Variants in SLC13A3 observed in about 807,000 individuals in gnomAD.
The protein encoded by SLC13A3 is solute carrier family 13 member 3.
Under a neutral mutation model 59.0 loss-of-function variants are expected in SLC13A3, and 40 were observed. The ratio of observed to expected loss-of-function variants is 0.68; its 90% CI spans 0.53 to 0.88. The LOEUF (loss-of-function observed/expected upper bound fraction) is 0.88. Ranked by LOEUF, SLC13A3 falls within the 40% of genes least tolerant of loss-of-function variation. The pLI, the probability that SLC13A3 is intolerant of heterozygous loss-of-function variation, is 0.00. For synonymous variants in SLC13A3, 317 were observed against 330.3 expected, an observed-to-expected ratio of 0.96 and a Z score of 0.44; for missense variants, 699 against 783.2, an observed-to-expected ratio of 0.89 and a Z score of 1.28.
At chr20:46,566,418 C>A (rs1222118406) in intron 10 of SLC13A3, 28 bp from the exon 11 acceptor site, 5 of 1,598,098 alleles carry the variant, frequency 3.1e-6, no homozygotes, top group Non-Finnish European at 3.4e-6. Context: ...TTCCTTCATA[C>A]CCCAGCCCAT....
In SLC13A3 at chr20:46,575,561, A is replaced by AG. The variant is rs1188702083; in HGVS notation, c.1332+11dup. On this transcript the variant is annotated intron_variant, in intron 10 of 12. Coordinates refer to ENST00000279027, the MANE Select transcript of SLC13A3 (RefSeq NM_022829.6). ...ACTGTTCCTGCTGGTTGGGGGAGCCAGGGGGTCTTACCTCACAGCCTTTGG... is the reference window on the plus strand; with the variant it reads ...ACTGTTCCTGCTGGTTGGGGGAGCCAGGGGGGTCTTACCTCACAGCCTTTGG... 2 of 1,536,548 alleles carry AG rather than the reference A, an allele frequency of 1.3e-6. No individual in the cohort carries two copies. Among genetic ancestry groups the AG allele is most frequent in the African/African-American group, 1.4e-5 (1 of 73,400 alleles).
chr20:46,620,157 G>A (rs535401674), intron 1 of SLC13A3, among the ~76,000 whole-genome samples: 2 of 152,252 alleles, frequency 1.3e-5, no homozygotes, highest in African/African-American at 4.8e-5. Context: ...TTTATTGAAT[G>A]TTACTATGTG....
intron 1 of SLC13A3, among the ~76,000 whole-genome samples, chr20:46,683,478 G>T (rs1253151589): frequency 1.3e-5 from 2 of 152,048 alleles, no homozygotes; most frequent in African/African-American, 4.8e-5. Context: ...TAAAAGACTG[G>T]GGTGGGGGTG....
intron 1 of SLC13A3, among the ~76,000 whole-genome samples, chr20:46,683,139 C>T (rs2063161476): frequency 6.6e-6 from 1 of 152,176 alleles, no homozygotes; most frequent in Non-Finnish European, 1.5e-5. Context: ...CCCACTGCTA[C>T]TGGCCACTGA....
chr20:46,677,312 C>T (rs548717735), intron 1 of SLC13A3, among the ~76,000 whole-genome samples: 9 of 152,202 alleles, frequency 5.9e-5, no homozygotes, highest in Non-Finnish European at 7.3e-5. Context: ...ACCCACATAA[C>T]CAGCATCAAG....
intron 9 of SLC13A3, among the ~76,000 whole-genome samples, chr20:46,577,271 G>C (rs929100671): frequency 2.6e-5 from 4 of 152,110 alleles, no homozygotes; most frequent in Non-Finnish European, 5.9e-5. Flanking sequence ...CAGTCCACAA[G>C]TGTATGCAGC....
chr20:46,649,644 C>T (rs189409883), intron 1 of SLC13A3, among the ~76,000 whole-genome samples: 26 of 152,168 alleles, frequency 1.7e-4, no homozygotes, highest in African/African-American at 6.3e-4. Flanking sequence ...ATCCCAGAAG[C>T]TAGCGGTGTA....
chr20:46,586,357 A>C (rs1021717969), intron 8 of SLC13A3, among the ~76,000 whole-genome samples: 3 of 151,444 alleles, frequency 2.0e-5, no homozygotes, highest in African/African-American at 7.3e-5. Flanking sequence ...CTTCTACCTC[A>C]CTCACCATCT....
intron 1 of SLC13A3, among the ~76,000 whole-genome samples, chr20:46,630,046 G>C (rs1273248310): frequency 1.3e-5 from 2 of 152,180 alleles, no homozygotes; most frequent in Non-Finnish European, 2.9e-5. Flanking sequence ...CTGGCCCACA[G>C]GTATCTAAGC....
At chr20:46,578,568 TG>T (rs1339622232) in intron 9 of SLC13A3, among the ~76,000 whole-genome samples, 1 of 151,700 alleles carries the variant, frequency 6.6e-6, no homozygotes, top group Non-Finnish European at 1.5e-5. Flanking sequence ...CCCAGCTACT[TG>T]GGAGGTTGAG....
At position 46,613,655 on chromosome 20, in the gene SLC13A3, A is replaced by C; in HGVS notation, c.182T>G (p.Val61Gly). The change falls in exon 2 of 13, where the codon GTG (valine) becomes GGG (glycine). Residue 61 changes from valine (V) to glycine (G), a missense_variant. Coordinates refer to ENST00000279027, the MANE Select transcript of SLC13A3 (RefSeq NM_022829.6). ...YWCTEALPLS[V>G]TALLPIVLFP... is the part of the protein sequence containing the mutation. ...GAGGACGATGGGCAGCAGCGCCGTC[A>C]CTGAGAGCGGCAGGGCCTCCGTGCA... 6.2e-7 allele frequency: 1 copy of C among 1,612,558 alleles called. No homozygotes were observed.
At chr20:46,673,972 C>G (rs1360955420), upstream of SLC13A3, among the ~76,000 whole-genome samples, 1 of 152,212 alleles carries the variant, frequency 6.6e-6, no homozygotes, top group Non-Finnish European at 1.5e-5. Flanking sequence ...ACCAGTTTTG[C>G]TCTCACAGAG....
chr20:46,670,314 A>G (rs1600632306), upstream of SLC13A3, among the ~76,000 whole-genome samples: 1 of 152,066 alleles, frequency 6.6e-6, no homozygotes, highest in South Asian at 2.1e-4. Flanking sequence ...TTCCTTCCTG[A>G]CTCATGGCTT....
upstream of SLC13A3, among the ~76,000 whole-genome samples, chr20:46,652,160 C>T (rs924770717): frequency 1.3e-5 from 2 of 152,074 alleles, no homozygotes; most frequent in African/African-American, 2.4e-5. Flanking sequence ...ACCTGGATGA[C>T]GAAATAATCT....
intron 1 of SLC13A3, among the ~76,000 whole-genome samples, chr20:46,633,230 G>T (rs571184106): frequency 1.4e-4 from 21 of 152,174 alleles, no homozygotes; most frequent in African/African-American, 3.6e-4. Context: ...GACCCAACCT[G>T]GAAAGAAGAG....
At chr20:46,582,547 G>T (rs1435971546) in intron 9 of SLC13A3, 6 of 741,828 alleles carry the variant, frequency 8.1e-6, no homozygotes, top group Non-Finnish European at 9.9e-6. Flanking sequence ...AGACTGCGCT[G>T]AGCTGTGATG....
In SLC13A3 at chr20:46,558,604, T is replaced by G. The variant is rs2061904027; in HGVS notation, c.*1418A>C. The G allele has an allele frequency of 6.6e-6, 1 of 152,154 alleles. No individual in the cohort carries two copies. Among genetic ancestry groups the G allele is most frequent in the African/African-American group, 2.4e-5 (1 of 41,440 alleles). 9.4% of individuals were successfully genotyped at this position (152,154 alleles called of 1,614,324 possible). A position where few individuals can be genotyped will look rare whatever the true frequency, so the allele number is the denominator to read the frequency against. ...CTGTGATTCAACACTGAGTGCTCACTTGGAAAGGAGGTGGAGCTCAACTTC... is the reference window on the plus strand; with the variant it reads ...CTGTGATTCAACACTGAGTGCTCACGTGGAAAGGAGGTGGAGCTCAACTTC... On this transcript the variant is annotated 3_prime_UTR_variant, in exon 13 of 13. Transcript: ENST00000279027.
chr20:46,629,381 G>A (rs1044763277), intron 1 of SLC13A3, among the ~76,000 whole-genome samples: 3 of 152,150 alleles, frequency 2.0e-5, no homozygotes, highest in Non-Finnish European at 4.4e-5. Flanking sequence ...TTGTCTTGGT[G>A]TTGATGAGTG....
intron 4 of SLC13A3, among the ~76,000 whole-genome samples, chr20:46,599,146 G>A (rs2062346645): frequency 6.6e-6 from 1 of 151,848 alleles, no homozygotes; most frequent in Non-Finnish European, 1.5e-5. Flanking sequence ...TCCATTTCTT[G>A]CCACTAGAAT....
Sources: allele counts gnomAD v4.1 joint callset (sites outside exome capture counted in the v4.1 genomes callset), GRCh38; gene constraint gnomAD v4.1.1; transcripts MANE v1.5; gene names NCBI Gene and HGNC (gene_info 2026-07-23, HGNC 2026-07-21).